Variants in FREM3 observed in about 807,000 individuals in gnomAD.
The protein encoded by FREM3 is FRAS1-related extracellular matrix protein 3.
Under a neutral mutation model 129.1 loss-of-function variants are expected in FREM3, and 105 were observed. The ratio of observed to expected loss-of-function variants is 0.81; its 90% CI spans 0.69 to 0.96. The LOEUF is 0.96. Ranked by LOEUF, FREM3 falls within the 40% of genes least tolerant of loss-of-function variation. The pLI is 0.00. For missense variants in FREM3, 2,593 were observed against 2,666.3 expected, an observed-to-expected ratio of 0.97 and a Z score of 0.61; for synonymous variants, 1,014 against 1,044.9, an observed-to-expected ratio of 0.97 and a Z score of 0.57.
At chr4:143,658,803 G>A (rs1326738052) in intron 2 of FREM3, among the ~76,000 whole-genome samples, 1 of 152,204 alleles carries the variant, frequency 6.6e-6, no homozygotes, top group East Asian at 1.9e-4. Context: ...AAAGCCAACA[G>A]ATTGTCACCC....
In FREM3 at chr4:143,577,511, T is replaced by C; in HGVS notation, c.*100A>G. 1.8e-6 allele frequency: 2 copies of C among 1,119,116 alleles called. No homozygotes were observed. The highest frequency in any genetic ancestry group is 2.5e-6 in the Non-Finnish European group (2 of 802,128). 69.3% of individuals were successfully genotyped at this position (1,119,116 alleles called of 1,614,324 possible). On this transcript the variant is annotated 3_prime_UTR_variant, in exon 8 of 8. Transcript: ENST00000329798. The stretch of plus-strand genomic sequence containing the variant: ...GAATATAACACCAATGACAGTACAA[T>C]ATCACTGATATCCCAGAATTGCTAA...
intron 2 of FREM3, among the ~76,000 whole-genome samples, chr4:143,692,219 A>T (rs940786664): frequency 6.6e-6 from 1 of 152,190 alleles, no homozygotes; most frequent in Non-Finnish European, 1.5e-5. Flanking sequence ...ACCACTTTAT[A>T]CATGGGGGAA....
chr4:143,635,567 C>T (rs1488839185), intron 2 of FREM3, among the ~76,000 whole-genome samples: 5 of 152,266 alleles, frequency 3.3e-5, no homozygotes, highest in East Asian at 3.9e-4. Context: ...AAACTATCTT[C>T]GGACATTGCC....
At chr4:143,680,535 C>A (rs188911000) in intron 2 of FREM3, among the ~76,000 whole-genome samples, 4 of 152,210 alleles carry the variant, frequency 2.6e-5, no homozygotes. Context: ...TACATTGCTT[C>A]TTGAATTCTT....
chr4:143,685,834 G>A (rs1039447530), intron 2 of FREM3, among the ~76,000 whole-genome samples: 2 of 151,954 alleles, frequency 1.3e-5, no homozygotes, highest in African/African-American at 4.8e-5. Flanking sequence ...CACAGCTGTG[G>A]GGGGCACATC....
intron 2 of FREM3, among the ~76,000 whole-genome samples, chr4:143,630,774 A>T (rs1489968941): frequency 6.6e-6 from 1 of 152,160 alleles, no homozygotes; most frequent in African/African-American, 2.4e-5. Flanking sequence ...GTATGTTAGG[A>T]GAAAGAGGCT....
Position 143,700,020 on chromosome 4 carries a change from G to C in FREM3, c.656C>G (p.Pro219Arg). 3 of 1,508,800 alleles carry C rather than the reference G, an allele frequency of 2.0e-6. No homozygotes were observed. The highest frequency in any genetic ancestry group is 1.8e-6 in the Non-Finnish European group (2 of 1,130,780). 93.5% of individuals were successfully genotyped at this position (1,508,800 alleles called of 1,614,324 possible). The part of the protein sequence containing the change: ...RLTPLPHEDG[P>R]LPKYGRLVDA... ...CACCAAGCGCCCGTACTTGGGCAGG[G>C]GGCCGTCCTCGTGAGGAAGTGGGGT... is the stretch of plus-strand genomic sequence containing the variant. The change falls in exon 1 of 8, where the codon CCC becomes CGC. Residue 219 changes from proline to arginine, a missense_variant. Transcript: ENST00000329798.
At chr4:143,602,411 A>T (rs981925120) in intron 6 of FREM3, among the ~76,000 whole-genome samples, 4 of 152,186 alleles carry the variant, frequency 2.6e-5, no homozygotes, top group African/African-American at 9.7e-5. Flanking sequence ...AAATGATACC[A>T]TTCAAAGGGA....
intron 6 of FREM3, among the ~76,000 whole-genome samples, chr4:143,595,352 A>G (rs989582647): frequency 2.6e-4 from 40 of 152,052 alleles, no homozygotes; most frequent in Admixed American, 2.3e-3. Context: ...CCCATTGGTC[A>G]GTATTGGTTC....
chr4:143,595,889 G>GGGAAAAAAAAAA (rs750809003), intron 6 of FREM3, among the ~76,000 whole-genome samples: 1 of 110,666 alleles, frequency 9.0e-6, no homozygotes, highest in Non-Finnish European at 1.8e-5. Context: ...CGCCATCTCA[G>GGGAAAAAAAAAA]AAAAAAAAAA....
At chr4:143,659,544 G>A (rs1181373983) in intron 2 of FREM3, among the ~76,000 whole-genome samples, 11 of 151,322 alleles carry the variant, frequency 7.3e-5, no homozygotes, top group East Asian at 1.9e-4. Flanking sequence ...ATAAACATAC[G>A]TGTGCATGTG....
At chr4:143,606,546 A>G (rs1738671140) in intron 6 of FREM3, among the ~76,000 whole-genome samples, 1 of 152,140 alleles carries the variant, frequency 6.6e-6, no homozygotes, top group Non-Finnish European at 1.5e-5. Context: ...TAAAAGGAAG[A>G]AAATATTTAT....
At chr4:143,597,093 G>A (rs909879029) in intron 6 of FREM3, among the ~76,000 whole-genome samples, 1 of 152,126 alleles carries the variant, frequency 6.6e-6, no homozygotes, top group Non-Finnish European at 1.5e-5. Flanking sequence ...GAGAAAGACC[G>A]AGTGACAGGA....
At position 143,623,997 on chromosome 4, in the gene FREM3, A is replaced by G. The variant is rs540315095; in HGVS notation, c.5653+111T>C. ...TAATTTACTTCACTTTAAATCCTAA[A>G]TGGATATGAACGCATTTAGTGGCTT... is the stretch of plus-strand genomic sequence containing the variant. On this transcript the variant is annotated intron_variant, in intron 4 of 7. Transcript: ENST00000329798. 5 of 630,242 alleles carry G rather than the reference A, an allele frequency of 7.9e-6. No homozygotes were observed. In the African/African-American group the frequency reaches 9.2e-5, roughly 12 times the overall value. 39.0% of individuals were successfully genotyped at this position (630,242 alleles called of 1,614,324 possible). A position where few individuals can be genotyped will look rare whatever the true frequency, so the allele number is the denominator to read the frequency against.
intron 6 of FREM3, among the ~76,000 whole-genome samples, chr4:143,587,136 A>C (rs1738256282): frequency 6.6e-6 from 1 of 152,198 alleles, no homozygotes; most frequent in African/African-American, 2.4e-5. Context: ...TATGCCAAAC[A>C]GCTCCCAATA....
intron 2 of FREM3, among the ~76,000 whole-genome samples, chr4:143,647,556 C>T (rs912947062): frequency 1.3e-5 from 2 of 152,118 alleles, no homozygotes; most frequent in Non-Finnish European, 2.9e-5. Flanking sequence ...GGACTTGGTG[C>T]CCTGTGTCCC....
chr4:143,697,103 A>T lies in FREM3; in HGVS notation c.3573T>A (p.Asp1191Glu), dbSNP rs771638332. The T allele has an allele frequency of 5.2e-6, 8 of 1,537,746 alleles. No individual in the cohort carries two copies. The highest frequency in any genetic ancestry group is 6.1e-6 in the Non-Finnish European group (7 of 1,147,054). Residue 1191 changes from aspartate to glutamate, a missense_variant, in exon 1 of 8, where the codon GAT (aspartate) becomes GAA (glutamate). Transcript: ENST00000329798. ...FFPIIILPTN[D>E]EQPKLFAHEF... ...CATGGGCAAAAAGTTTAGGCTGCTC[A>T]TCATTGGTGGGTAGGATGATTATAG...
At chr4:143,593,618 G>A (rs1315756814) in intron 6 of FREM3, among the ~76,000 whole-genome samples, 2 of 152,176 alleles carry the variant, frequency 1.3e-5, no homozygotes, top group East Asian at 1.9e-4. Flanking sequence ...AGGAGTACCC[G>A]GCTGTGTGAG....
chr4:143,594,011 G>A (rs534667947), intron 6 of FREM3, among the ~76,000 whole-genome samples: 18 of 152,334 alleles, frequency 1.2e-4, no homozygotes, highest in African/African-American at 2.6e-4. Context: ...CTCTGTGGGC[G>A]TAGGACCCTC....
Sources: allele counts gnomAD v4.1 joint callset (sites outside exome capture counted in the v4.1 genomes callset), GRCh38; gene constraint gnomAD v4.1.1; transcripts MANE v1.5; gene names NCBI Gene and HGNC (gene_info 2026-07-23, HGNC 2026-07-21).